SH3GL3: variants seen among roughly 807,000 people sequenced by gnomAD.
SH3GL3 encodes endophilin-A3.
A neutral mutation model predicts 47.7 loss-of-function variants in SH3GL3; 33 were observed. The ratio of observed to expected loss-of-function variants is 0.69; its 90% CI spans 0.52 to 0.92. The LOEUF is 0.92. Ranked by LOEUF, SH3GL3 falls within the 40% of genes least tolerant of loss-of-function variation. The pLI is 0.00. For synonymous variants in SH3GL3, 155 were observed against 148.8 expected, an observed-to-expected ratio of 1.04 and a Z score of -0.30; for missense variants, 363 against 417.8, an observed-to-expected ratio of 0.87 and a Z score of 1.14.
At chr15:83,597,749 A>G (rs2151824019) in intron 8 of SH3GL3, among the ~76,000 whole-genome samples, 1 of 152,010 alleles carries the variant, frequency 6.6e-6, no homozygotes, top group South Asian at 2.1e-4. Flanking sequence ...ACTTGGGATT[A>G]CAGGTGCCTG....
intron 8 of SH3GL3, among the ~76,000 whole-genome samples, chr15:83,603,255 C>A (rs1467332675): frequency 6.6e-6 from 1 of 152,166 alleles, no homozygotes; most frequent in Non-Finnish European, 1.5e-5. Context: ...CTGCCTCAGC[C>A]TCCCAAACTG....
At chr15:83,462,671 G>A (rs980107348) in intron 1 of SH3GL3, among the ~76,000 whole-genome samples, 1 of 152,156 alleles carries the variant, frequency 6.6e-6, no homozygotes, top group Non-Finnish European at 1.5e-5. Context: ...TTAAAAATAT[G>A]TACCTGATGT....
rs368804397 is a variant in SH3GL3, at chr15:83,536,860, C to T, written c.46-22393C>T. Among the ~76,000 whole-genome samples the T allele has an allele frequency of 9.2e-5, 14 of 152,204 alleles. No individual in the cohort carries two copies. The East Asian group carries it at 2.7e-3, about 29-fold the overall frequency. On this transcript the variant is annotated intron_variant, in intron 1 of 8. Coordinates refer to ENST00000427482, the MANE Select transcript of SH3GL3 (RefSeq NM_003027.5). ...ATTAATGAAAACTTTAAAAAGTTCC[C>T]CTCTATACTTTGATTATCTCTGTTT...
chr15:83,585,040 A>G lies in SH3GL3; in HGVS notation c.625-1943A>G, dbSNP rs140154186. Among the ~76,000 whole-genome samples the G allele has an allele frequency of 4.4e-3, 664 of 152,310 alleles. 4 individuals carry two copies. Among genetic ancestry groups the G allele is most frequent in the African/African-American group, 0.015 (643 of 41,572 alleles). On this transcript the variant is annotated intron_variant, in intron 6 of 8. Coordinates refer to ENST00000427482, the MANE Select transcript of SH3GL3 (RefSeq NM_003027.5). The stretch of plus-strand genomic sequence containing the variant: ...GTCCCCAGCACACAGCTCAATGCTC[A>G]TGACCTGGGGGACAGCTGGAAGCTT...
intron 8 of SH3GL3, among the ~76,000 whole-genome samples, chr15:83,615,183 G>C (rs751350279): frequency 6.6e-6 from 1 of 151,516 alleles, no homozygotes; most frequent in Non-Finnish European, 1.5e-5. Flanking sequence ...ATTGAAGTGA[G>C]ATTTTTGTGA....
At chr15:83,540,309 G>T (rs2044097713) in intron 1 of SH3GL3, among the ~76,000 whole-genome samples, 1 of 152,056 alleles carries the variant, frequency 6.6e-6, no homozygotes, top group Admixed American at 6.5e-5. Flanking sequence ...ACATATGATG[G>T]TTCAAGTCAT....
At chr15:83,626,476 C>G in the SH3GL3 span, among the ~76,000 whole-genome samples, 1 of 152,174 alleles carries the variant, frequency 6.6e-6, no homozygotes, top group African/African-American at 2.4e-5. Context: ...CTGCCTGTTT[C>G]TGAGCTTCAG....
At chr15:83,554,227 G>A (rs1013011310) in intron 1 of SH3GL3, among the ~76,000 whole-genome samples, 2 of 151,314 alleles carry the variant, frequency 1.3e-5, no homozygotes, top group Non-Finnish European at 2.9e-5. Flanking sequence ...CACTCTTATT[G>A]CCCAGACTGG....
chr15:83,449,595 G>A (rs1368636387), intron 1 of SH3GL3, among the ~76,000 whole-genome samples: 1 of 152,186 alleles, frequency 6.6e-6, no homozygotes, highest in East Asian at 1.9e-4. Context: ...CAGAATGAAT[G>A]GTTGAAATCC....
intron 1 of SH3GL3, among the ~76,000 whole-genome samples, chr15:83,469,871 C>G (rs891970499): frequency 6.6e-6 from 1 of 152,074 alleles, no homozygotes; most frequent in Non-Finnish European, 1.5e-5. Flanking sequence ...CTTCTATATC[C>G]TTACTGATTT....
intron 1 of SH3GL3, among the ~76,000 whole-genome samples, chr15:83,458,756 T>C (rs976392361): frequency 6.6e-6 from 1 of 152,220 alleles, no homozygotes; most frequent in African/African-American, 2.4e-5. Context: ...TCAGGGACTT[T>C]GCTCTTGTTG....
the SH3GL3 span, among the ~76,000 whole-genome samples, chr15:83,629,290 G>A: frequency 6.6e-6 from 1 of 152,112 alleles, no homozygotes; most frequent in South Asian, 2.1e-4. Context: ...AACAAAGTTG[G>A]ACAACTTATA....
intron 1 of SH3GL3, among the ~76,000 whole-genome samples, chr15:83,540,540 T>A (rs948248526): frequency 2.6e-5 from 4 of 152,192 alleles, no homozygotes; most frequent in Admixed American, 2.6e-4. Flanking sequence ...CTAGTAATAA[T>A]GTTTTCTGTA....
intron 1 of SH3GL3, among the ~76,000 whole-genome samples, chr15:83,541,671 T>C (rs1567319056): frequency 6.6e-6 from 1 of 152,196 alleles, no homozygotes. Flanking sequence ...TGGGGTAAGA[T>C]GATATGTCAT....
At chr15:83,629,818 T>TTAAA in the SH3GL3 span, among the ~76,000 whole-genome samples, 36,390 of 151,410 alleles carry the variant, frequency 0.24, 5,163 homozygotes, top group East Asian at 0.43. Context: ...AGACTCTGTC[T>TTAAA]TAAATAAATA....
intron 1 of SH3GL3, among the ~76,000 whole-genome samples, chr15:83,530,387 C>T (rs903357649): frequency 6.6e-6 from 1 of 152,164 alleles, no homozygotes; most frequent in South Asian, 2.1e-4. Flanking sequence ...GGGAACCTCT[C>T]CAGGCTTCTA....
intron 1 of SH3GL3, chr15:83,490,677 G>C: frequency 8.2e-7 from 1 of 1,216,652 alleles, no homozygotes; most frequent in African/African-American, 1.5e-5. Context: ...GATAGCACCT[G>C]CACATCAGGG....
At chr15:83,553,069 C>T (rs1378699402) in intron 1 of SH3GL3, among the ~76,000 whole-genome samples, 1 of 152,082 alleles carries the variant, frequency 6.6e-6, no homozygotes, top group Non-Finnish European at 1.5e-5. Context: ...GAGCTCAAGA[C>T]CAGCCTGGGC....
chr15:83,621,666 A>T (rs1567044842), downstream of SH3GL3, among the ~76,000 whole-genome samples: 1 of 152,266 alleles, frequency 6.6e-6, no homozygotes, highest in Non-Finnish European at 1.5e-5. Context: ...TAACGCCGAT[A>T]AAAACGGTTA....
Sources: gnomAD v4.1 joint callset for allele counts (sites outside exome capture counted in the v4.1 genomes callset) on GRCh38, gnomAD v4.1.1 for gene constraint, MANE v1.5 for transcripts, NCBI Gene and HGNC (gene_info 2026-07-23, HGNC 2026-07-21) for gene names.